PYGB: variants seen among roughly 807,000 people sequenced by gnomAD.
The protein encoded by PYGB is glycogen phosphorylase, brain form.
PYGB carries 82 observed loss-of-function variants against 94.3 expected under a neutral mutation model. That is an observed-to-expected ratio of 0.87 (90% CI 0.73 to 1.04). PYGB has a LOEUF of 1.04. PYGB is among the 50% of genes least tolerant of loss of function. The pLI is 0.00. For synonymous variants in PYGB, 488 were observed against 479.1 expected, an observed-to-expected ratio of 1.02 and a Z score of -0.24; for missense variants, 1,132 against 1,158.2, an observed-to-expected ratio of 0.98 and a Z score of 0.33.
intron 16 of PYGB, 125 bp downstream of exon 16, chr20:25,290,747 G>A (rs1401736740): frequency 4.8e-5 from 66 of 1,362,242 alleles, no homozygotes; most frequent in Non-Finnish European, 6.2e-5. Context: ...CTAGCCAGCC[G>A]GGCTGCAGGC....
chr20:25,266,470 T>TTGGATTAGAATCTTGGATTAGAA (rs1385294118), intron 2 of PYGB, among the ~76,000 whole-genome samples: 18 of 152,140 alleles, frequency 1.2e-4, no homozygotes, highest in African/African-American at 4.3e-4. Flanking sequence ...GGGATCAATC[T>TTGGATTAGAATCTTGGATTAGAA]TCATGACCTT....
At chr20:25,249,399 C>G (rs1386587620) in intron 1 of PYGB, among the ~76,000 whole-genome samples, 1 of 152,070 alleles carries the variant, frequency 6.6e-6, no homozygotes, top group East Asian at 1.9e-4. Context: ...TGCTTTTAAA[C>G]TCTTGACCAT....
rs192835652 is a variant in PYGB, at chr20:25,262,893, A to G, written c.345+3555A>G. ...AAGGCCATTACTTAATGGTAAAGGGATCAATTCAACAAGAAGAGCTAACTA... is the reference window on the plus strand; with the variant it reads ...AAGGCCATTACTTAATGGTAAAGGGGTCAATTCAACAAGAAGAGCTAACTA... On this transcript the variant is annotated intron_variant, in intron 2 of 19. Coordinates refer to ENST00000216962, the MANE Select transcript of PYGB (RefSeq NM_002862.4). Among the ~76,000 whole-genome samples, 1,065 of 152,362 alleles carry G rather than the reference A, an allele frequency of 7.0e-3. 3 individuals carry two copies. The highest frequency in any genetic ancestry group is 0.011 in the Non-Finnish European group (737 of 68,042).
At chr20:25,261,034 T>C (rs2092912310) in intron 2 of PYGB, among the ~76,000 whole-genome samples, 2 of 152,218 alleles carry the variant, frequency 1.3e-5, no homozygotes, top group Non-Finnish European at 1.5e-5. Flanking sequence ...CCTGCCTCTG[T>C]AGACTCCACC....
At chr20:25,290,008 G>A (rs2088451475) in intron 15 of PYGB, 1 of 525,292 alleles carries the variant, frequency 1.9e-6, no homozygotes, top group Non-Finnish European at 3.9e-6. Flanking sequence ...TGAGGGCCCA[G>A]TGAGTCCTCA....
chr20:25,249,850 A>G (rs948122234), intron 1 of PYGB, among the ~76,000 whole-genome samples: 23 of 144,330 alleles, frequency 1.6e-4, no homozygotes, highest in African/African-American at 5.6e-4. Flanking sequence ...GCACAGCACC[A>G]TTTTTTTTTT....
At chr20:25,258,151 T>G (rs1188383713) in intron 1 of PYGB, among the ~76,000 whole-genome samples, 5 of 152,230 alleles carry the variant, frequency 3.3e-5, no homozygotes, top group Non-Finnish European at 7.3e-5. Flanking sequence ...GTGTGTGTGT[T>G]CTTTCAATTT....
At chr20:25,272,646 A>C (rs970898996) in intron 4 of PYGB, among the ~76,000 whole-genome samples, 2 of 152,252 alleles carry the variant, frequency 1.3e-5, no homozygotes, top group African/African-American at 4.8e-5. Flanking sequence ...GGCTAAAAGT[A>C]ACCTAAAACG....
At chr20:25,259,017 G>A (rs766880010) in intron 1 of PYGB, among the ~76,000 whole-genome samples, 6 of 152,224 alleles carry the variant, frequency 3.9e-5, no homozygotes, top group Non-Finnish European at 5.9e-5. Flanking sequence ...TGGAGGGTCA[G>A]GGAAGAGAAG....
chr20:25,281,060 C>T lies in PYGB; in HGVS notation c.1351C>T (p.His451Tyr), dbSNP rs958804124. Residue 451 changes from histidine to tyrosine, a missense_variant, in exon 11 of 20, where the codon CAT (histidine) becomes TAT (tyrosine). By Grantham distance (83) the His-to-Tyr change is moderately conservative (BLOSUM62 2). Transcript: ENST00000216962. ...GGCCCACCTGTGTGTGATTGGGTCC[C>T]ATGCTGTCAATGGTGTGGCGAGGAT... Reference protein sequence around the residue: ...NMAHLCVIGSHAVNGVARIHS... With the variant: ...NMAHLCVIGSYAVNGVARIHS... 6 of 1,614,072 alleles carry T rather than the reference C, an allele frequency of 3.7e-6. No homozygotes were observed. Among genetic ancestry groups the T allele is most frequent in the South Asian group, 1.1e-5 (1 of 91,088 alleles).
At chr20:25,293,302 G>A (rs955197486) in intron 17 of PYGB, among the ~76,000 whole-genome samples, 1 of 152,046 alleles carries the variant, frequency 6.6e-6, no homozygotes, top group East Asian at 1.9e-4. Context: ...CAACTCCACC[G>A]GGGTTCTGTT....
intron 1 of PYGB, among the ~76,000 whole-genome samples, chr20:25,256,149 A>G (rs11087508): frequency 0.19 from 28,623 of 152,138 alleles, 3,112 homozygotes; most frequent in East Asian, 0.34. Context: ...GAAAAGGGAG[A>G]AAAAATTGGT....
rs1401653322 is a variant in PYGB, at chr20:25,280,274, A to C, written c.1101A>C (p.Glu367Asp). The C allele has an allele frequency of 6.2e-7, 1 of 1,614,076 alleles. No homozygotes were observed. Among genetic ancestry groups the C allele is most frequent in the African/African-American group, 1.3e-5 (1 of 75,074 alleles). The part of the protein sequence containing the change: ...VEKVDWDKAW[E>D]ITKKTCAYTN... The stretch of plus-strand genomic sequence containing the variant: ...ATTCTCTAATGGCCTAGGCCTGGGA[A>C]ATCACGAAGAAGACCTGTGCATACA... Residue 367 changes from glutamate to aspartate, a missense_variant, in exon 10 of 20, where the codon GAA becomes GAC. Physicochemically the swap from Glu to Asp is conservative, Grantham distance 45. Coordinates refer to ENST00000216962, the MANE Select transcript of PYGB (RefSeq NM_002862.4).
Position 25,278,223 on chromosome 20 carries a change from T to C in PYGB, c.856-96T>C, listed in dbSNP as rs563951158. 2.7e-4 allele frequency: 356 copies of C among 1,304,718 alleles called. 3 individuals carry two copies. The South Asian group carries it at 5.7e-3, about 21-fold the overall frequency. The allele number at this position is 1,304,718 out of a possible 1,614,324, so 80.8% of individuals were successfully genotyped here. A position where few individuals can be genotyped will look rare whatever the true frequency, so the allele number is the denominator to read the frequency against. ...CAGCTGGGCTGGGCTCCTCTCGGCCTTCTGCCTGCACCTTTGAGCCAGGTC... is the reference window on the plus strand; with the variant it reads ...CAGCTGGGCTGGGCTCCTCTCGGCCCTCTGCCTGCACCTTTGAGCCAGGTC... On this transcript the variant is annotated intron_variant, in intron 7 of 19. Transcript: ENST00000216962.
Position 25,296,422 on chromosome 20 carries a change from A to G in PYGB, c.2432A>G (p.Lys811Arg), listed in dbSNP as rs1477097118. ...KVIRNIACSG[K>R]FSSDRTITEY... ...ATCAGGAACATCGCCTGCTCGGGCA[A>G]GTTCTCCAGTGACCGGACCATCACG... The change falls in exon 20 of 20, where the codon AAG becomes AGG. Residue 811 changes from lysine to arginine, a missense_variant. Transcript: ENST00000216962. 1.2e-6 allele frequency: 2 copies of G among 1,614,092 alleles called. No individual in the cohort carries two copies. Among genetic ancestry groups the G allele is most frequent in the Non-Finnish European group, 1.7e-6 (2 of 1,180,032 alleles).
chr20:25,277,088 T>C (rs1327299792), intron 6 of PYGB, among the ~76,000 whole-genome samples, 156 bp from the exon 7 acceptor site: 2 of 151,978 alleles, frequency 1.3e-5, no homozygotes, highest in Non-Finnish European at 2.9e-5. Flanking sequence ...GGATCACGTT[T>C]ACCTCCAGGG....
intron 17 of PYGB, 82 bp downstream of exon 17, chr20:25,292,695 G>A (rs767024653): frequency 1.6e-5 from 24 of 1,483,612 alleles, no homozygotes; most frequent in Non-Finnish European, 2.2e-5. Context: ...GGCTGGACTG[G>A]GCTCTTGGGG....
chr20:25,248,286 G>A lies in PYGB; in HGVS notation c.108G>A (p.Leu36=). 1 of 1,603,760 alleles carries A rather than the reference G, an allele frequency of 6.2e-7. No individual in the cohort carries two copies. The highest frequency in any genetic ancestry group is 8.5e-7 in the Non-Finnish European group (1 of 1,175,682). Reference sequence around the variant, plus strand: ...TGCGGAAGAGCTTCAACCGGCACTTGCACTTCACGCTGGTCAAGGACCGCA... The same window carrying A: ...TGCGGAAGAGCTTCAACCGGCACTTACACTTCACGCTGGTCAAGGACCGCA... ...AEVRKSFNRH[L]HFTLVKDRNV... The change falls in exon 1 of 20, where the codon TTG becomes TTA. Residue 36 remains leucine (L), a synonymous_variant. Coordinates refer to ENST00000216962, the MANE Select transcript of PYGB (RefSeq NM_002862.4).
intron 18 of PYGB, chr20:25,295,111 G>A: frequency 1.4e-6 from 2 of 1,395,424 alleles, no homozygotes; most frequent in African/African-American, 1.4e-5. Flanking sequence ...GAACAGAAAT[G>A]CATTTGTAGA....
Sources: gnomAD v4.1 joint callset for allele counts (sites outside exome capture counted in the v4.1 genomes callset) on GRCh38, gnomAD v4.1.1 for gene constraint, MANE v1.5 for transcripts, NCBI Gene and HGNC (gene_info 2026-07-23, HGNC 2026-07-21) for gene names.